Variants in RAB12 observed in about 807,000 individuals in gnomAD.
RAB12 encodes the protein RAB12, member RAS oncogene family.
Under a neutral mutation model 28.4 loss-of-function variants are expected in RAB12, and 11 were observed. The ratio of observed to expected loss-of-function variants is 0.39; its 90% CI spans 0.24 to 0.64. The LOEUF is 0.64. Among genes scored for constraint, RAB12 ranks in the 30% least tolerant of loss-of-function variants. The pLI is 0.50. For synonymous variants in RAB12, 138 were observed against 145.3 expected (o/e 0.95, Z 0.36); for missense variants, 276 against 351.1 (o/e 0.79, Z 1.71).
At chr18:8,629,120 C>G (rs1428139471) in intron 2 of RAB12, among the ~76,000 whole-genome samples, 1 of 152,042 alleles carries the variant, frequency 6.6e-6, no homozygotes, top group African/African-American at 2.4e-5. Context: ...GAATATTTTT[C>G]AACATTAAAA....
chr18:8,613,656 G>C (rs1269247654), intron 1 of RAB12, among the ~76,000 whole-genome samples: 1 of 152,054 alleles, frequency 6.6e-6, no homozygotes, highest in Non-Finnish European at 1.5e-5. Flanking sequence ...ATTTTGTTTA[G>C]GTTGAAATGG....
chr18:8,618,965 A>G (rs1486472475), intron 1 of RAB12, among the ~76,000 whole-genome samples: 1 of 151,878 alleles, frequency 6.6e-6, no homozygotes, highest in Non-Finnish European at 1.5e-5. Context: ...TCCTTAATTT[A>G]TTTTCTCACA....
intron 1 of RAB12, among the ~76,000 whole-genome samples, chr18:8,616,089 A>G (rs2096006537): frequency 1.3e-5 from 2 of 152,204 alleles, no homozygotes; most frequent in Admixed American, 6.5e-5. Flanking sequence ...AGCTTTGTAC[A>G]GTAGTCATTC....
At chr18:8,632,752 C>G (rs1286547967) in intron 2 of RAB12, 2 of 213,608 alleles carry the variant, frequency 9.4e-6, no homozygotes, top group Non-Finnish European at 1.8e-5. Flanking sequence ...TTGGGTATGA[C>G]AAATGGTTTT....
At chr18:8,622,935 G>A (rs2096010710) in intron 1 of RAB12, among the ~76,000 whole-genome samples, 1 of 152,316 alleles carries the variant, frequency 6.6e-6, no homozygotes, top group African/African-American at 2.4e-5. Flanking sequence ...GGAGAAATAT[G>A]GCTCTGTTCC....
intron 3 of RAB12, 154 bp from the exon 4 acceptor site, chr18:8,635,379 C>T: frequency 1.7e-6 from 1 of 595,918 alleles, no homozygotes; most frequent in South Asian, 2.1e-5. Flanking sequence ...TGCACTGCTG[C>T]CCAGTCCTGC....
chr18:8,617,439 CTG>C (rs1468234414), intron 1 of RAB12, among the ~76,000 whole-genome samples: 1 of 151,336 alleles, frequency 6.6e-6, no homozygotes, highest in African/African-American at 2.4e-5. Context: ...TAATAATCCA[CTG>C]TTTGATCATG....
chr18:8,620,118 CCTT>C (rs2096008915), intron 1 of RAB12, among the ~76,000 whole-genome samples: 2 of 107,558 alleles, frequency 1.9e-5, no homozygotes, highest in Middle Eastern at 5.3e-3. Context: ...GGTGACAAAG[CCTT>C]CTTTTTTTTT....
At chr18:8,627,481 C>G (rs768777042) in intron 2 of RAB12, among the ~76,000 whole-genome samples, 29 of 152,178 alleles carry the variant, frequency 1.9e-4, no homozygotes, top group Non-Finnish European at 4.0e-4. Context: ...GTCATTGCCA[C>G]ATATTTCAGT....
chr18:8,638,077 A>G, intron 5 of RAB12, 72 bp from the exon 6 acceptor site: 1 of 943,824 alleles, frequency 1.1e-6, no homozygotes, highest in Non-Finnish European at 1.7e-6. Flanking sequence ...GTTGAAACTC[A>G]TGTTCAAGGG....
intron 1 of RAB12, among the ~76,000 whole-genome samples, chr18:8,619,699 T>A (rs1402530677): frequency 3.9e-5 from 6 of 152,230 alleles, no homozygotes; most frequent in African/African-American, 7.2e-5. Context: ...CAAATTACCC[T>A]GTCCTCTCTC....
intron 1 of RAB12, among the ~76,000 whole-genome samples, chr18:8,610,718 A>C (rs1414239809): frequency 6.6e-6 from 1 of 152,202 alleles, no homozygotes; most frequent in Non-Finnish European, 1.5e-5. Context: ...GAGATTTCTC[A>C]GTTGGATGTG....
chr18:8,639,107 T>C lies in RAB12; in HGVS notation c.*845T>C, dbSNP rs1296047192. On this transcript the variant is annotated 3_prime_UTR_variant, in exon 6 of 6. Transcript: ENST00000649141. ...TTGTAATGATAAAACTTCCCCCTTC[T>C]TTACGGTGAAGCTTATTCTGATTAA... The C allele has an allele frequency of 2.8e-5, 4 of 141,992 alleles. No homozygotes were observed. Among genetic ancestry groups the C allele is most frequent in the Non-Finnish European group, 4.6e-5 (3 of 65,836 alleles). The allele number at this position is 141,992 out of a possible 1,614,324, so 8.8% of individuals were successfully genotyped here.
intron 2 of RAB12, among the ~76,000 whole-genome samples, chr18:8,632,132 G>A (rs1439846646): frequency 6.6e-6 from 1 of 151,930 alleles, no homozygotes; most frequent in Non-Finnish European, 1.5e-5. Flanking sequence ...AAATATATTA[G>A]CCAGGCATGG....
rs144450880 is a variant in RAB12 at position 8,621,102 on chromosome 18, G to A, written c.515-3836G>A. ...CTGTAGGAAACCGGTTTTCAACAGG[G>A]TTGTAGACAGTAGTGAAGTCGCCAC... On this transcript the variant is annotated intron_variant, in intron 1 of 5. Transcript: ENST00000649141. 5.3e-5 allele frequency among the ~76,000 whole-genome samples: 8 copies of A among 152,284 alleles called. 1 individual carries two copies. The East Asian group carries it at 1.5e-3, about 29-fold the overall frequency.
chr18:8,611,168 CATT>C (rs1258362076), intron 1 of RAB12, among the ~76,000 whole-genome samples: 1 of 152,096 alleles, frequency 6.6e-6, no homozygotes, highest in Non-Finnish European at 1.5e-5. Flanking sequence ...TCGTTGGAGA[CATT>C]ATATTAAAAT....
Position 8,630,876 on chromosome 18 carries a change from GTTTGTTTTTGTT to G in RAB12, c.576-2297_576-2286del, listed in dbSNP as rs147933065. ...TAAGAAAATAACAAAGCCAATTCTGGTTTGTTTTTGTTTTTGTTTTTGTTTTTTGAGATGGAG... is the reference window on the plus strand; with the variant it reads ...TAAGAAAATAACAAAGCCAATTCTGGTTTGTTTTTGTTTTTTGAGATGGAG... On this transcript the variant is annotated intron_variant, in intron 2 of 5. Transcript: ENST00000649141. 6.3e-3 allele frequency among the ~76,000 whole-genome samples: 964 copies of G among 152,226 alleles called. 12 individuals are homozygous for G. The highest frequency in any genetic ancestry group is 0.023 in the African/African-American group (944 of 41,550).
In RAB12 at chr18:8,628,811, TATC is replaced by T. The variant is rs1220292081; in HGVS notation, c.575+3814_575+3816del. 5.3e-5 allele frequency among the ~76,000 whole-genome samples: 8 copies of T among 152,236 alleles called. 1 individual carries two copies. The highest frequency in any genetic ancestry group is 1.9e-4 in the African/African-American group (8 of 41,466). On this transcript the variant is annotated intron_variant, in intron 2 of 5. Coordinates refer to ENST00000649141, the MANE Select transcript of RAB12 (RefSeq NM_001025300.3). ...TGATTGTTTTTATTAAAACTCCTAT[TATC>T]TGTAATTTCTCTGGTTTTGTGCCTC...
rs1053349400 is a variant in RAB12 at position 8,609,682 on chromosome 18, G to A, written c.243G>A (p.Gly81=). 1.4e-3 allele frequency: 1,310 copies of A among 927,662 alleles called. 1 individual carries two copies. The highest frequency in any genetic ancestry group is 1.6e-3 in the Non-Finnish European group (1,240 of 779,938). The allele number at this position is 927,662 out of a possible 1,614,324, so 57.5% of individuals were successfully genotyped here. Reference sequence around the variant, plus strand: ...CGGGGCCCGGGGCGCGCAGCCGGGGGGCGGGCGGCGGCGGGCGGCGGGCCG... The same window carrying A: ...CGGGGCCCGGGGCGCGCAGCCGGGGAGCGGGCGGCGGCGGGCGGCGGGCCG... ...GAPGPGARSR[G]AGGGGRRAER... is the part of the protein sequence containing the mutation. The change falls in exon 1 of 6, where the codon GGG becomes GGA. Residue 81 remains glycine (G), a synonymous_variant. Transcript: ENST00000649141.
Sources: allele counts gnomAD v4.1 joint callset (sites outside exome capture counted in the v4.1 genomes callset), GRCh38; gene constraint gnomAD v4.1.1; transcripts MANE v1.5; gene names NCBI Gene and HGNC (gene_info 2026-07-23, HGNC 2026-07-21).